The following PLAAT3 variants were observed in gnomAD, a reference collection of about 807,000 sequenced individuals.
PLAAT3 encodes Ca-independent phospholipase A1/2.
Under a neutral mutation model 16.7 loss-of-function variants are expected in PLAAT3, and 21 were observed. The observed-to-expected ratio is 1.26, with a 90% CI of 0.89 to 1.81. PLAAT3 has a LOEUF of 1.81. PLAAT3 is among the 40% of genes most tolerant of loss of function. The probability of loss-of-function intolerance (pLI) is 0.00; values close to 1 mark genes in which losing one functional copy is unlikely to be tolerated. For missense variants in PLAAT3, 219 were observed against 213.7 expected (o/e 1.02, Z -0.16); for synonymous variants, 76 against 81.7 (o/e 0.93, Z 0.38).
At chr11:63,609,152 T>C (rs1337255937) in intron 2 of PLAAT3, among the ~76,000 whole-genome samples, 1 of 152,174 alleles carries the variant, frequency 6.6e-6, no homozygotes, top group Admixed American at 6.5e-5. Flanking sequence ...ATTCTCCATG[T>C]CCCAAAACCA....
At chr11:63,581,774 G>T (rs1937822331) in intron 4 of PLAAT3, among the ~76,000 whole-genome samples, 1 of 152,146 alleles carries the variant, frequency 6.6e-6, no homozygotes, top group South Asian at 2.1e-4. Context: ...GGCACCCCTG[G>T]AGGCCCAGCT....
intron 4 of PLAAT3, among the ~76,000 whole-genome samples, chr11:63,587,936 G>A (rs558769260): frequency 1.4e-4 from 22 of 152,070 alleles, no homozygotes; most frequent in Non-Finnish European, 2.5e-4. Flanking sequence ...AAATGTGGCC[G>A]GGCACAGTGG....
intron 2 of PLAAT3, chr11:63,598,802 GC>G (rs1214698841): frequency 4.1e-6 from 2 of 485,322 alleles, no homozygotes; most frequent in Admixed American, 2.2e-5. Flanking sequence ...TCAGTCTCCA[GC>G]AGTAATGTCC....
At chr11:63,587,711 T>C (rs1273003739) in intron 4 of PLAAT3, among the ~76,000 whole-genome samples, 2 of 152,016 alleles carry the variant, frequency 1.3e-5, no homozygotes, top group East Asian at 1.9e-4. Flanking sequence ...CATGTCACCA[T>C]GCCTGCCTAG....
chr11:63,614,826 T>C (rs1157492030), upstream of PLAAT3, among the ~76,000 whole-genome samples: 1 of 150,960 alleles, frequency 6.6e-6, no homozygotes, highest in Non-Finnish European at 1.5e-5. Context: ...CCATGCTGGC[T>C]AACACGATGA....
intron 2 of PLAAT3, chr11:63,608,374 GCAGCCTGAAAGTGGCAAC>G (rs1938619783): frequency 1.3e-5 from 2 of 152,218 alleles, no homozygotes. Flanking sequence ...CCTGCCCAGG[GCAGCCTGAAAGTGGCAAC>G]CAGCCTCTTC....
chr11:63,587,665 G>A (rs904644517), intron 4 of PLAAT3, among the ~76,000 whole-genome samples: 5 of 148,678 alleles, frequency 3.4e-5, no homozygotes, highest in African/African-American at 5.0e-5. Context: ...AGCAATTCTC[G>A]TGCCTCAGCC....
chr11:63,586,612 A>G lies in PLAAT3; in HGVS notation c.387+3488T>C, dbSNP rs149839763. 1.5e-3 allele frequency among the ~76,000 whole-genome samples: 226 copies of G among 152,336 alleles called. 1 individual carries two copies. Among genetic ancestry groups the G allele is most frequent in the African/African-American group, 5.0e-3 (209 of 41,574 alleles). ...TTGGAGTTTATTGCTGCATAGGAGC[A>G]TGAGTTTTACCAAGAGTAAGTAAAC... On this transcript the variant is annotated intron_variant, in intron 4 of 4. Coordinates refer to ENST00000415826, the MANE Select transcript of PLAAT3 (RefSeq NM_001128203.2).
chr11:63,602,735 C>T (rs1466551750), intron 2 of PLAAT3, among the ~76,000 whole-genome samples: 1 of 152,074 alleles, frequency 6.6e-6, no homozygotes, highest in Non-Finnish European at 1.5e-5. Context: ...TACCCTGGCT[C>T]CTCTCTACAA....
intron 2 of PLAAT3, among the ~76,000 whole-genome samples, chr11:63,611,476 T>C: frequency 6.6e-6 from 1 of 152,236 alleles, no homozygotes; most frequent in Non-Finnish European, 1.5e-5. Flanking sequence ...TTTTTATTTC[T>C]TATCCTTCTA....
chr11:63,596,210 A>C (rs1350110626), intron 3 of PLAAT3, among the ~76,000 whole-genome samples: 1 of 130,752 alleles, frequency 7.6e-6, no homozygotes, highest in Non-Finnish European at 1.6e-5. Flanking sequence ...ACTACACTCC[A>C]GCCTGGGCGA....
intron 4 of PLAAT3, among the ~76,000 whole-genome samples, chr11:63,589,445 AAAGG>A (rs1352037623): frequency 1.3e-5 from 2 of 151,344 alleles, no homozygotes; most frequent in Non-Finnish European, 2.9e-5. Context: ...GAAGTGGCTG[AAAGG>A]GAGGGGGAAG....
At chr11:63,576,361 C>T (rs1421802016) in intron 4 of PLAAT3, among the ~76,000 whole-genome samples, 3 of 152,134 alleles carry the variant, frequency 2.0e-5, no homozygotes, top group Non-Finnish European at 2.9e-5. Context: ...TGGTGGCTTA[C>T]GCCTGTAATC....
intron 3 of PLAAT3, among the ~76,000 whole-genome samples, chr11:63,591,264 C>G (rs916032088): frequency 2.0e-5 from 3 of 152,158 alleles, no homozygotes; most frequent in Admixed American, 2.0e-4. Context: ...CACCTGTGAT[C>G]CCAGCTACTC....
intron 4 of PLAAT3, among the ~76,000 whole-genome samples, chr11:63,575,701 C>G (rs2017649845): frequency 6.6e-6 from 1 of 152,140 alleles, no homozygotes; most frequent in Non-Finnish European, 1.5e-5. Context: ...CCTCCTGAAA[C>G]TCAACTAAAA....
chr11:63,585,979 G>T (rs1414763497), intron 4 of PLAAT3, among the ~76,000 whole-genome samples: 2 of 152,122 alleles, frequency 1.3e-5, no homozygotes, highest in Admixed American at 1.3e-4. Flanking sequence ...CACTTTGGGA[G>T]ACTGAGGCAG....
At chr11:63,599,131 A>G (rs1278017565) in intron 2 of PLAAT3, among the ~76,000 whole-genome samples, 1 of 152,154 alleles carries the variant, frequency 6.6e-6, no homozygotes, top group Non-Finnish European at 1.5e-5. Context: ...ATCAGGGGTA[A>G]AGAACTTCTC....
chr11:63,590,999 A>G (rs140114239), intron 3 of PLAAT3, among the ~76,000 whole-genome samples: 170 of 152,258 alleles, frequency 1.1e-3, no homozygotes, highest in African/African-American at 3.9e-3. Context: ...GGACAGGGAA[A>G]GCTGATGCCA....
chr11:63,597,761 T>C (rs1938326863), intron 3 of PLAAT3, among the ~76,000 whole-genome samples: 1 of 152,048 alleles, frequency 6.6e-6, no homozygotes, highest in Admixed American at 6.6e-5. Context: ...CAGATGAAGT[T>C]TCGCTCACTT....
Sources: gnomAD v4.1 joint callset for allele counts (sites outside exome capture counted in the v4.1 genomes callset) on GRCh38, gnomAD v4.1.1 for gene constraint, MANE v1.5 for transcripts, NCBI Gene and HGNC (gene_info 2026-07-23, HGNC 2026-07-21) for gene names.